Variants in POLH observed in about 807,000 individuals in gnomAD.
POLH encodes the protein DNA polymerase eta.
POLH carries 53 observed loss-of-function variants against 73.6 expected under a neutral mutation model. That is an observed-to-expected ratio of 0.72 (90% CI 0.58 to 0.91). The LOEUF is 0.91. Ranked by LOEUF, POLH falls within the 40% of genes least tolerant of loss-of-function variation. POLH has a pLI of 0.00. For missense variants in POLH, 768 were observed against 865.4 expected, an observed-to-expected ratio of 0.89 and a Z score of 1.41; for synonymous variants, 292 against 308.5, an observed-to-expected ratio of 0.95 and a Z score of 0.56.
At chr6:43,602,442 GGATTTTGTTTTGA>G (rs2127801680) in intron 6 of POLH, among the ~76,000 whole-genome samples, 1 of 152,280 alleles carries the variant, frequency 6.6e-6, no homozygotes, top group Non-Finnish European at 1.5e-5. Flanking sequence ...AAAAGGCATG[GGATTTTGTTTTGA>G]GATTTGGCAA....
intron 3 of POLH, among the ~76,000 whole-genome samples, chr6:43,586,354 G>A (rs1208866931): frequency 3.3e-5 from 5 of 152,104 alleles, no homozygotes; most frequent in African/African-American, 9.7e-5. Flanking sequence ...GGTGGCAGGC[G>A]CCTGTAATCC....
In POLH at chr6:43,619,226, T is replaced by A. The variant is rs1177856667; in HGVS notation, c.*4669T>A. Among the ~76,000 whole-genome samples the A allele has an allele frequency of 1.3e-5, 2 of 151,734 alleles. No individual in the cohort carries two copies. Among genetic ancestry groups the A allele is most frequent in the Non-Finnish European group, 1.5e-5 (1 of 67,958 alleles). The stretch of plus-strand genomic sequence containing the variant: ...ACAGTCTTTACAAAAAATACAAAGA[T>A]GGTGGCTTATGCCTGTAGTCGTACC... On this transcript the variant is annotated 3_prime_UTR_variant, in exon 11 of 11. Transcript: ENST00000372236.
Position 43,618,480 on chromosome 6 carries a change from T to G in POLH, c.*3923T>G, listed in dbSNP as rs1429840603. Among the ~76,000 whole-genome samples the G allele has an allele frequency of 6.6e-6, 1 of 151,774 alleles. No individual in the cohort carries two copies. Among genetic ancestry groups the G allele is most frequent in the Non-Finnish European group, 1.5e-5 (1 of 67,956 alleles). ...AGTACTGTATTCTTATTCTCCACTC[T>G]TGTGTGTGAAAAGTCAGCTCTTTTG... On this transcript the variant is annotated 3_prime_UTR_variant, in exon 11 of 11. Transcript: ENST00000372236.
At chr6:43,610,787 A>G (rs1388178897) in intron 10 of POLH, 64 bp downstream of exon 10, 22 of 1,340,370 alleles carry the variant, frequency 1.6e-5, no homozygotes, top group Admixed American at 5.4e-5. Flanking sequence ...TCTTAGCTCT[A>G]CAAGACATAA....
rs1768216880 is a variant in POLH at position 43,614,859 on chromosome 6, CTT to C, written c.*303_*304del. 4 of 355,008 alleles carry C rather than the reference CTT, an allele frequency of 1.1e-5. No homozygotes were observed. In the South Asian group the frequency reaches 1.6e-4, roughly 15 times the overall value. The allele number at this position is 355,008 out of a possible 1,614,324, so 22.0% of individuals were successfully genotyped here. ...GGAGTCTAAGAGACGTGGTTGCAAA[CTT>C]AGCTCTGGTTATTGCAATGAGGGCC... On this transcript the variant is annotated 3_prime_UTR_variant, in exon 11 of 11. Coordinates refer to ENST00000372236, the MANE Select transcript of POLH (RefSeq NM_006502.3).
chr6:43,587,584 T>C, intron 4 of POLH, 95 bp downstream of exon 4: 2 of 867,860 alleles, frequency 2.3e-6, no homozygotes, highest in Non-Finnish European at 3.9e-6. Flanking sequence ...GAAAGGAAAC[T>C]TAAACTACAG....
Position 43,613,814 on chromosome 6 carries a change from G to A in POLH, c.1399G>A (p.Gly467Ser), listed in dbSNP as rs1768141370. Residue 467 changes from glycine to serine, a missense_variant, in exon 11 of 11, where the codon GGC (glycine) becomes AGC (serine). Coordinates refer to ENST00000372236, the MANE Select transcript of POLH (RefSeq NM_006502.3). The stretch of plus-strand genomic sequence containing the variant: ...CTCAGAAGCTAAGACCCAGGGAAGT[G>A]GCCCAGCGGTGACAGCCACTAAGAA... ...TSSEAKTQGS[G>S]PAVTATKKAT... 3.1e-6 allele frequency: 5 copies of A among 1,614,192 alleles called. No individual in the cohort carries two copies. Among genetic ancestry groups the A allele is most frequent in the Admixed American group, 1.7e-5 (1 of 60,008 alleles).
At chr6:43,588,069 CT>C (rs1340585498) in intron 4 of POLH, among the ~76,000 whole-genome samples, 1 of 152,140 alleles carries the variant, frequency 6.6e-6, no homozygotes, top group Non-Finnish European at 1.5e-5. Flanking sequence ...TGACTGAGCA[CT>C]TTGTCATTGG....
At chr6:43,609,030 C>G in intron 9 of POLH, among the ~76,000 whole-genome samples, 1 of 152,132 alleles carries the variant, frequency 6.6e-6, no homozygotes, top group Non-Finnish European at 1.5e-5. Flanking sequence ...GCCCTGGAGA[C>G]TCTTTGTTCA....
intron 2 of POLH, 132 bp downstream of exon 2, chr6:43,582,588 C>A: frequency 1.1e-6 from 1 of 896,040 alleles, no homozygotes; most frequent in Non-Finnish European, 1.9e-6. Flanking sequence ...AGCGCAGTGG[C>A]ACCATCAGCT....
Position 43,601,058 on chromosome 6 carries a change from C to T in POLH, c.731C>T (p.Pro244Leu). Reference sequence around the variant, plus strand: ...ACCCTGGTTTCACATGGGTCAGTCCCACAGCTCTTCAGCCAAATGCCCATT... The same window carrying T: ...ACCCTGGTTTCACATGGGTCAGTCCTACAGCTCTTCAGCCAAATGCCCATT... ...RQTLVSHGSV[P>L]QLFSQMPIRK... The change falls in exon 6 of 11, where the codon CCA becomes CTA. Residue 244 changes from proline (P) to leucine (L), a missense_variant. Coordinates refer to ENST00000372236, the MANE Select transcript of POLH (RefSeq NM_006502.3). 1.2e-6 allele frequency: 2 copies of T among 1,613,938 alleles called. No homozygotes were observed. The highest frequency in any genetic ancestry group is 1.7e-6 in the Non-Finnish European group (2 of 1,179,854).
chr6:43,620,376 T>G lies in POLH; in HGVS notation c.*5819T>G, dbSNP rs1768635088. 2.0e-6 allele frequency: 1 copy of G among 499,642 alleles called. No homozygotes were observed. The highest frequency in any genetic ancestry group is 3.9e-6 in the Non-Finnish European group (1 of 253,546). 31.0% of individuals were successfully genotyped at this position (499,642 alleles called of 1,614,324 possible). ...AAACAATGGTGAACGAGATACCAGC[T>G]GGGCTCTTTCCACATTCAGGGCTCA... On this transcript the variant is annotated 3_prime_UTR_variant, in exon 11 of 11. Transcript: ENST00000372236.
chr6:43,614,728 A>T lies in POLH; in HGVS notation c.*171A>T. The stretch of plus-strand genomic sequence containing the variant: ...CGGTCCCATCTCTTCACAGGCATGG[A>T]TTCTAATCCCACTGCTGACAGAGAT... On this transcript the variant is annotated 3_prime_UTR_variant, in exon 11 of 11. Coordinates refer to ENST00000372236, the MANE Select transcript of POLH (RefSeq NM_006502.3). 1.7e-6 allele frequency: 1 copy of T among 604,944 alleles called. No individual in the cohort carries two copies. 37.5% of individuals were successfully genotyped at this position (604,944 alleles called of 1,614,324 possible).
intron 3 of POLH, among the ~76,000 whole-genome samples, chr6:43,584,375 AT>A (rs1323005247): frequency 3.9e-5 from 6 of 152,288 alleles, no homozygotes; most frequent in African/African-American, 7.2e-5. Context: ...AGAAAAGAAG[AT>A]AGACTTGACT....
intron 1 of POLH, among the ~76,000 whole-genome samples, chr6:43,581,726 C>T (rs1039147447): frequency 6.8e-6 from 1 of 147,950 alleles, no homozygotes; most frequent in African/African-American, 2.5e-5. Context: ...TTCATATCTG[C>T]AGCTGGGGCC....
At position 43,617,565 on chromosome 6, in the gene POLH, T is replaced by G. The variant is rs1256960954; in HGVS notation, c.*3008T>G. Among the ~76,000 whole-genome samples, 1 of 151,328 alleles carries G rather than the reference T, an allele frequency of 6.6e-6. No individual in the cohort carries two copies. The highest frequency in any genetic ancestry group is 1.9e-4 in the East Asian group (1 of 5,140). On this transcript the variant is annotated 3_prime_UTR_variant, in exon 11 of 11. Transcript: ENST00000372236. ...TCACTTGAATCTGGGAGGCAGAGGT[T>G]GTAGTGAGCTGAGATTGTGCCACTG...
chr6:43,597,572 C>T, intron 4 of POLH, 124 bp from the exon 5 acceptor site: 2 of 866,378 alleles, frequency 2.3e-6, no homozygotes, highest in Non-Finnish European at 3.7e-6. Flanking sequence ...TCTAAGCTGG[C>T]TGCCATTTTT....
rs970925675 is a variant in POLH at position 43,616,084 on chromosome 6, C to T, written c.*1527C>T. On this transcript the variant is annotated 3_prime_UTR_variant, in exon 11 of 11. Transcript: ENST00000372236. ...CGGGCGGATCACAAGGTCAGGAGATCGAGACCACGGTGAAACCCCGTCTCT... is the reference window on the plus strand; with the variant it reads ...CGGGCGGATCACAAGGTCAGGAGATTGAGACCACGGTGAAACCCCGTCTCT... Among the ~76,000 whole-genome samples, 1 of 151,744 alleles carries T rather than the reference C, an allele frequency of 6.6e-6. No individual in the cohort carries two copies. Among genetic ancestry groups the T allele is most frequent in the African/African-American group, 2.4e-5 (1 of 41,360 alleles).
intron 4 of POLH, among the ~76,000 whole-genome samples, chr6:43,592,710 T>C (rs112631661): frequency 0.021 from 3,236 of 152,286 alleles, 110 homozygotes; most frequent in African/African-American, 0.072. Flanking sequence ...CCACTACGCC[T>C]GGCCTTGTAT....
Sources: allele counts gnomAD v4.1 joint callset (sites outside exome capture counted in the v4.1 genomes callset), GRCh38; gene constraint gnomAD v4.1.1; transcripts MANE v1.5; gene names NCBI Gene and HGNC (gene_info 2026-07-23, HGNC 2026-07-21).